The following APP variants were observed in gnomAD, a reference collection of about 807,000 sequenced individuals.
The protein encoded by APP is amyloid-beta precursor protein.
APP carries 31 observed loss-of-function variants against 101.4 expected under a neutral mutation model. The observed-to-expected ratio is 0.31, with a 90% CI of 0.23 to 0.41. The LOEUF (loss-of-function observed/expected upper bound fraction) is 0.41. Among genes scored for constraint, APP ranks in the 10% least tolerant of loss-of-function variants. The pLI, the probability that APP is intolerant of heterozygous loss-of-function variation, is 1.00. For missense variants in APP, 839 were observed against 1,003.7 expected (o/e 0.84, Z 2.22); for synonymous variants, 366 against 364.4 (o/e 1.00, Z -0.05).
intron 11 of APP, among the ~76,000 whole-genome samples, chr21:25,960,528 T>C (rs1011303410): frequency 2.6e-5 from 4 of 152,150 alleles, no homozygotes; most frequent in African/African-American, 9.7e-5. Flanking sequence ...TTTTTTTAGC[T>C]TTTAGTATTT....
At chr21:26,076,471 G>T (rs4518042) in intron 3 of APP, among the ~76,000 whole-genome samples, 7,719 of 152,194 alleles carry the variant, frequency 0.051, 403 homozygotes, top group East Asian at 0.23. Context: ...TGAAGTTCCT[G>T]AACAAACACG....
chr21:25,904,713 C>T (rs1037130108), intron 15 of APP, among the ~76,000 whole-genome samples: 6 of 151,216 alleles, frequency 4.0e-5, no homozygotes, highest in South Asian at 2.1e-4. Context: ...TGTATATAAT[C>T]GTCTCTGTTT....
At chr21:25,942,946 C>T (rs1305603124) in intron 13 of APP, 1 of 152,126 alleles carries the variant, frequency 6.6e-6, no homozygotes, top group East Asian at 1.9e-4. Flanking sequence ...CCTTTAAACA[C>T]TAACTCCACA....
intron 6 of APP, among the ~76,000 whole-genome samples, chr21:26,016,938 GGGGGGCGGGGGGC>G (rs1568860902): frequency 0.16 from 761 of 4,778 alleles, 29 homozygotes; most frequent in Middle Eastern, 0.5. Flanking sequence ...TGTGGGGGGC[GGGGGGCGGGGGGC>G]GGGGGGTGCC....
intron 2 of APP, among the ~76,000 whole-genome samples, chr21:26,109,798 A>T (rs2062270013): frequency 2.0e-5 from 3 of 152,232 alleles, no homozygotes; most frequent in African/African-American, 7.2e-5. Flanking sequence ...AGAAAAACTT[A>T]GATGCAAACT....
chr21:25,959,326 G>T (rs1021163843), intron 11 of APP, among the ~76,000 whole-genome samples: 1 of 152,156 alleles, frequency 6.6e-6, no homozygotes, highest in East Asian at 1.9e-4. Flanking sequence ...CCAGCTACTC[G>T]GGAGGCTGAG....
chr21:25,881,847 G>A (rs2037007430), intron 17 of APP, 76 bp from the exon 18 acceptor site: 3 of 1,404,716 alleles, frequency 2.1e-6, no homozygotes, highest in Non-Finnish European at 3.0e-6. Context: ...GCAGTAAAAA[G>A]ATAAGGAGTA....
chr21:26,067,870 C>A (rs1215506740), intron 3 of APP, among the ~76,000 whole-genome samples: 1 of 151,802 alleles, frequency 6.6e-6, no homozygotes, highest in Non-Finnish European at 1.5e-5. Context: ...TATAGGTATT[C>A]TCACTGGTTG....
In APP at chr21:26,064,175, C is replaced by T. The variant is rs139129879; in HGVS notation, c.356-10827G>A. Among the ~76,000 whole-genome samples the T allele has an allele frequency of 4.0e-3, 607 of 152,214 alleles. 4 individuals are homozygous for T. Among genetic ancestry groups the T allele is most frequent in the African/African-American group, 0.014 (579 of 41,550 alleles). On this transcript the variant is annotated intron_variant, in intron 3 of 17. Coordinates refer to ENST00000346798, the MANE Select transcript of APP (RefSeq NM_000484.4). ...GGAGACCTGACAATTAAATATAATGCGCCTTCCTGGATGGCATCCTGGAAC... is the reference window on the plus strand; with the variant it reads ...GGAGACCTGACAATTAAATATAATGTGCCTTCCTGGATGGCATCCTGGAAC...
chr21:26,000,873 TTAA>T (rs2043263044), intron 6 of APP, among the ~76,000 whole-genome samples: 1 of 151,414 alleles, frequency 6.6e-6, no homozygotes. Flanking sequence ...ATATTATACA[TTAA>T]TAATTTAATT....
At chr21:26,019,465 C>T (rs1248767406) in intron 6 of APP, among the ~76,000 whole-genome samples, 1 of 152,280 alleles carries the variant, frequency 6.6e-6, no homozygotes, top group African/African-American at 2.4e-5. Flanking sequence ...TCCAGAAGTT[C>T]CCTCTTACTC....
At chr21:26,010,820 CA>C (rs58036272) in intron 6 of APP, among the ~76,000 whole-genome samples, 2,339 of 54,678 alleles carry the variant, frequency 0.043, 36 homozygotes, top group African/African-American at 0.13. Flanking sequence ...GACTTCGTCT[CA>C]AAAAAAAAAA....
chr21:26,057,160 C>T (rs1028563521), intron 3 of APP, among the ~76,000 whole-genome samples: 1 of 152,148 alleles, frequency 6.6e-6, no homozygotes, highest in Non-Finnish European at 1.5e-5. Context: ...AGCCTATGAT[C>T]GTATATACCT....
intron 5 of APP, among the ~76,000 whole-genome samples, chr21:26,023,293 G>C (rs1013313954): frequency 2.0e-5 from 3 of 151,770 alleles, no homozygotes; most frequent in Admixed American, 2.0e-4. Flanking sequence ...ACTGTGGAAG[G>C]CTGAGGTGGG....
At chr21:26,110,181 A>G (rs1296883779) in intron 2 of APP, among the ~76,000 whole-genome samples, 1 of 152,236 alleles carries the variant, frequency 6.6e-6, no homozygotes, top group Non-Finnish European at 1.5e-5. Context: ...GTGGTAGCTC[A>G]CGGCTATAAT....
At chr21:25,900,845 C>T (rs530608404) in intron 15 of APP, among the ~76,000 whole-genome samples, 217 of 151,694 alleles carry the variant, frequency 1.4e-3, no homozygotes, top group Admixed American at 2.8e-3. Flanking sequence ...AAAAATTAGC[C>T]GGACGTGGTG....
intron 11 of APP, among the ~76,000 whole-genome samples, chr21:25,970,255 G>A (rs1020678412): frequency 1.3e-5 from 2 of 151,940 alleles, no homozygotes; most frequent in African/African-American, 4.8e-5. Flanking sequence ...ATGACACTTC[G>A]GCAAACATTC....
chr21:25,914,549 CT>C (rs10647133), intron 13 of APP, among the ~76,000 whole-genome samples: 1,661 of 114,722 alleles, frequency 0.014, 9 homozygotes, highest in African/African-American at 0.048. Context: ...CACAAGGCGC[CT>C]TTTTTTTTTT....
chr21:26,146,741 C>G (rs1261934631), intron 1 of APP, among the ~76,000 whole-genome samples: 1 of 152,140 alleles, frequency 6.6e-6, no homozygotes, highest in Non-Finnish European at 1.5e-5. Flanking sequence ...AATAAGTTTT[C>G]AAAAATGTTC....
Sources: gnomAD v4.1 joint callset for allele counts (sites outside exome capture counted in the v4.1 genomes callset) on GRCh38, gnomAD v4.1.1 for gene constraint, MANE v1.5 for transcripts, NCBI Gene and HGNC (gene_info 2026-07-23, HGNC 2026-07-21) for gene names.